KIF15: variants seen among roughly 807,000 people sequenced by gnomAD.
The protein encoded by KIF15 is kinesin family member 15.
KIF15 carries 140 observed loss-of-function variants against 190.6 expected under a neutral mutation model. The ratio of observed to expected loss-of-function variants is 0.73; its 90% CI spans 0.64 to 0.84. The LOEUF is 0.84. Ranked by LOEUF, KIF15 falls within the 40% of genes least tolerant of loss-of-function variation. The pLI is 0.00. For missense variants in KIF15, 1,372 were observed against 1,584.4 expected (o/e 0.87, Z 2.28); for synonymous variants, 528 against 551.3 (o/e 0.96, Z 0.59).
downstream of KIF15, among the ~76,000 whole-genome samples, chr3:44,854,372 GA>G (rs5848712): frequency 0.13 from 13,100 of 102,830 alleles, 544 homozygotes; most frequent in Middle Eastern, 0.25. Context: ...GCAACAGAGT[GA>G]AAAAAAAAAA....
Position 44,801,962 on chromosome 3 carries a change from T to C in KIF15, c.1497T>C (p.Thr499=), listed in dbSNP as rs779921572. Residue 499 remains threonine (T), a synonymous_variant, in exon 13 of 35, where the codon ACT becomes ACC. Transcript: ENST00000326047. ...CAGAATTAAGGAATGAGATTCAAACTCTGCGAGAACAAGTGAGTATACGGC... is the reference window on the plus strand; with the variant it reads ...CAGAATTAAGGAATGAGATTCAAACCCTGCGAGAACAAGTGAGTATACGGC... ...LLSELRNEIQ[T]LREQIEHHPR... The C allele has an allele frequency of 1.2e-6, 2 of 1,609,298 alleles. No homozygotes were observed. The highest frequency in any genetic ancestry group is 1.7e-6 in the Non-Finnish European group (2 of 1,176,288).
intron 23 of KIF15, among the ~76,000 whole-genome samples, chr3:44,827,899 G>A (rs925245674): frequency 2.6e-5 from 4 of 151,970 alleles, no homozygotes; most frequent in Non-Finnish European, 4.4e-5. Context: ...GCCCAGGATC[G>A]AACTCCTGAG....
chr3:44,800,030 C>G (rs1387484108), intron 10 of KIF15, among the ~76,000 whole-genome samples: 4 of 151,968 alleles, frequency 2.6e-5, no homozygotes, highest in African/African-American at 7.3e-5. Flanking sequence ...GTGAACACAC[C>G]CGGATCCTAA....
chr3:44,829,587 T>TTATATATGTATATATTATATATG (rs1697917821), intron 24 of KIF15, among the ~76,000 whole-genome samples: 1 of 28,686 alleles, frequency 3.5e-5, no homozygotes, highest in African/African-American at 1.6e-4. Flanking sequence ...TATGTATATA[T>TTATATATGTATATATTATATATG]TATATATTAT....
At chr3:44,780,067 C>CTTT (rs757687365) in intron 4 of KIF15, among the ~76,000 whole-genome samples, 2 of 123,100 alleles carry the variant, frequency 1.6e-5, no homozygotes, top group Non-Finnish European at 1.7e-5. Flanking sequence ...TAAAATACAA[C>CTTT]TTTTTTTTTT....
intron 32 of KIF15, among the ~76,000 whole-genome samples, chr3:44,849,509 A>G (rs1457430948): frequency 6.6e-6 from 1 of 152,108 alleles, no homozygotes; most frequent in Non-Finnish European, 1.5e-5. Context: ...AAAGAAAATA[A>G]AGCTCTTGCC....
At chr3:44,787,995 C>G (rs966986187) in intron 7 of KIF15, among the ~76,000 whole-genome samples, 1 of 152,144 alleles carries the variant, frequency 6.6e-6, no homozygotes, top group African/African-American at 2.4e-5. Flanking sequence ...GGTGAGACTA[C>G]AGGCGCGCAC....
intron 1 of KIF15, 60 bp downstream of exon 1, chr3:44,761,944 G>C (rs1705163480): frequency 1.9e-6 from 3 of 1,610,840 alleles, no homozygotes; most frequent in African/African-American, 2.7e-5. Context: ...GCTGTGAAAG[G>C]ATGGCAGCCT....
chr3:44,822,862 A>G (rs1404276365), intron 20 of KIF15, among the ~76,000 whole-genome samples: 1 of 152,106 alleles, frequency 6.6e-6, no homozygotes, highest in East Asian at 1.9e-4. Flanking sequence ...CCATCAGTTC[A>G]TTTAAGGTCT....
rs182884065 is a variant in KIF15, at chr3:44,808,836, T to C, written c.1972-2010T>C. On this transcript the variant is annotated intron_variant, in intron 16 of 34. Coordinates refer to ENST00000326047, the MANE Select transcript of KIF15 (RefSeq NM_020242.3). ...TCTCCTTTGAGGGACAGAAGAATTATAGAGCTTGAATTATAGAGCTTGAAG... is the reference window on the plus strand; with the variant it reads ...TCTCCTTTGAGGGACAGAAGAATTACAGAGCTTGAATTATAGAGCTTGAAG... Among the ~76,000 whole-genome samples the C allele has an allele frequency of 7.7e-4, 118 of 152,262 alleles. No individual in the cohort carries two copies. The East Asian group carries it at 0.018, about 23-fold the overall frequency.
At chr3:44,768,855 A>G (rs773328405) in intron 1 of KIF15, among the ~76,000 whole-genome samples, 5 of 152,154 alleles carry the variant, frequency 3.3e-5, no homozygotes, top group Non-Finnish European at 5.9e-5. Flanking sequence ...CCTGAAGGCG[A>G]GAAGAGACAA....
At chr3:44,864,481 T>A in intron 6 of KIF15, 1 of 979,010 alleles carries the variant, frequency 1.0e-6, no homozygotes, top group East Asian at 2.5e-5. Flanking sequence ...GACCCCTGGA[T>A]GAGTGCTCTA....
At position 44,827,518 on chromosome 3, in the gene KIF15, G is replaced by A. The variant is rs1166295509; in HGVS notation, c.2846G>A (p.Cys949Tyr). 2.5e-6 allele frequency: 4 copies of A among 1,609,430 alleles called. No individual in the cohort carries two copies. The highest frequency in any genetic ancestry group is 3.4e-6 in the Non-Finnish European group (4 of 1,176,198). The change falls in exon 23 of 35, where the codon TGT becomes TAT. Residue 949 changes from cysteine (C) to tyrosine (Y), a missense_variant. Coordinates refer to ENST00000326047, the MANE Select transcript of KIF15 (RefSeq NM_020242.3). Reference sequence around the variant, plus strand: ...GAGAAACAGAAAGAGACGGCCAAGTGTGAGCAGCAGGTAAAATTCCTGTTA... The same window carrying A: ...GAGAAACAGAAAGAGACGGCCAAGTATGAGCAGCAGGTAAAATTCCTGTTA... The part of the protein sequence containing the change: ...RQEKQKETAK[C>Y]EQQMAKVQKL...
At chr3:44,804,185 G>A (rs1707394424) in intron 14 of KIF15, among the ~76,000 whole-genome samples, 1 of 152,098 alleles carries the variant, frequency 6.6e-6, no homozygotes, top group Admixed American at 6.6e-5. Context: ...TTTCCCTACA[G>A]TGCCCTTTAT....
chr3:44,806,091 T>C (rs1459097827), intron 16 of KIF15, 105 bp downstream of exon 16: 3 of 1,276,402 alleles, frequency 2.4e-6, no homozygotes, highest in African/African-American at 1.5e-5. Context: ...TGACATCCCA[T>C]GCAGGTAATT....
chr3:44,837,080 G>A (rs1468502316), intron 26 of KIF15, among the ~76,000 whole-genome samples: 2 of 152,108 alleles, frequency 1.3e-5, no homozygotes, highest in Non-Finnish European at 2.9e-5. Context: ...ACTTTCTTAC[G>A]TTTTAAGACT....
intron 1 of KIF15, among the ~76,000 whole-genome samples, chr3:44,773,888 A>T (rs1297380795): frequency 6.6e-6 from 1 of 152,200 alleles, no homozygotes; most frequent in Non-Finnish European, 1.5e-5. Context: ...GAATTTATTA[A>T]AAGAACGCTC....
chr3:44,861,499 G>C (rs1365694851), intron 6 of KIF15, among the ~76,000 whole-genome samples: 1 of 152,196 alleles, frequency 6.6e-6, no homozygotes, highest in Non-Finnish European at 1.5e-5. Flanking sequence ...TTGGTCCGGC[G>C]GTCCTCAGGC....
At chr3:44,829,010 G>C (rs145352477) in intron 24 of KIF15, among the ~76,000 whole-genome samples, 2,817 of 150,976 alleles carry the variant, frequency 0.019, 76 homozygotes, top group African/African-American at 0.064. Flanking sequence ...GCACTCCAGT[G>C]TGGGCAACAA....
Sources: gnomAD v4.1 joint callset for allele counts (sites outside exome capture counted in the v4.1 genomes callset) on GRCh38, gnomAD v4.1.1 for gene constraint, MANE v1.5 for transcripts, NCBI Gene and HGNC (gene_info 2026-07-23, HGNC 2026-07-21) for gene names.